UBE4B: variants seen among roughly 807,000 people sequenced by gnomAD.
UBE4B encodes ubiquitination factor E4B, also known as ubiquitin conjugation factor E4 B.
In UBE4B, 27 loss-of-function variants were observed where a neutral mutation model predicts 148.1. The observed-to-expected ratio is 0.18, with a 90% CI of 0.13 to 0.25. UBE4B has a LOEUF of 0.25. UBE4B is among the 10% of genes least tolerant of loss of function. The pLI is 1.00. For missense variants in UBE4B, 1,170 were observed against 1,662.4 expected (o/e 0.70, Z 5.15); for synonymous variants, 596 against 619.3 (o/e 0.96, Z 0.56).
At position 10,130,512 on chromosome 1, in the gene UBE4B, C is replaced by A. The variant is rs142704128; in HGVS notation, c.1708C>A (p.Arg570=). The change falls in exon 13 of 28, where the codon CGG becomes AGG. Residue 570 remains arginine (R), a synonymous_variant. Coordinates refer to ENST00000343090, the MANE Select transcript of UBE4B (RefSeq NM_001105562.3). ...ATCTTCTGCCTAGGTTGCTTCTTTG[C>A]GGTTGTGGTTGCCGAAATCCTTAAG... is the stretch of plus-strand genomic sequence containing the variant. ...HPVCNLVASL[R]LWLPKSLSPG... 6.2e-7 allele frequency: 1 copy of A among 1,613,962 alleles called. No individual in the cohort carries two copies. The highest frequency in any genetic ancestry group is 8.5e-7 in the Non-Finnish European group (1 of 1,179,992).
In UBE4B at chr1:10,111,920, G is replaced by A. The variant is rs533494700; in HGVS notation, c.1196+5337G>A. On this transcript the variant is annotated intron_variant, in intron 7 of 27. Coordinates refer to ENST00000343090, the MANE Select transcript of UBE4B (RefSeq NM_001105562.3). The stretch of plus-strand genomic sequence containing the variant: ...TGCAGTGAGCCAAGATCACACCACT[G>A]CACTCCAGCCTGGGCAACACAGCAA... 1.5e-4 allele frequency among the ~76,000 whole-genome samples: 22 copies of A among 150,982 alleles called. No homozygotes were observed. The East Asian group carries it at 2.5e-3, about 17-fold the overall frequency.
intron 8 of UBE4B, 89 bp from the exon 9 acceptor site, chr1:10,119,424 A>C: frequency 7.7e-7 from 1 of 1,295,116 alleles, no homozygotes; most frequent in Admixed American, 1.8e-5. Flanking sequence ...CTGTTTACTG[A>C]TGGTCCATCC....
chr1:10,178,992 G>A, intron 26 of UBE4B, 174 bp downstream of exon 26: 1 of 662,660 alleles, frequency 1.5e-6, no homozygotes, highest in Non-Finnish European at 2.3e-6. Flanking sequence ...TAAATTGAGA[G>A]GAAGAAACAT....
At chr1:10,133,187 G>A (rs1220032005) in intron 15 of UBE4B, among the ~76,000 whole-genome samples, 2 of 152,160 alleles carry the variant, frequency 1.3e-5, no homozygotes, top group African/African-American at 4.8e-5. Context: ...GGAGAAAAGG[G>A]CATCCTTCCT....
intron 7 of UBE4B, among the ~76,000 whole-genome samples, chr1:10,112,070 G>A (rs1645230997): frequency 6.7e-6 from 1 of 149,860 alleles, no homozygotes. Flanking sequence ...AGCAAGTTTT[G>A]TTAGTGCATT....
intron 7 of UBE4B, among the ~76,000 whole-genome samples, chr1:10,111,591 C>A (rs1266594520): frequency 1.3e-5 from 2 of 152,182 alleles, no homozygotes; most frequent in African/African-American, 4.8e-5. Flanking sequence ...GAACACAGAA[C>A]ATCCATTAGC....
intron 1 of UBE4B, among the ~76,000 whole-genome samples, chr1:10,053,315 ATTT>A (rs1644090604): frequency 6.6e-6 from 1 of 151,338 alleles, no homozygotes; most frequent in African/African-American, 2.4e-5. Flanking sequence ...TGCCCGGCTA[ATTT>A]TTTTGTATTT....
intron 2 of UBE4B, among the ~76,000 whole-genome samples, chr1:10,077,735 G>C (rs563794689): frequency 6.6e-6 from 1 of 152,168 alleles, no homozygotes; most frequent in Non-Finnish European, 1.5e-5. Flanking sequence ...TGAGTGCTGA[G>C]CAGAATTTTA....
intron 11 of UBE4B, chr1:10,128,964 G>A (rs192577994): frequency 1.3e-5 from 2 of 154,386 alleles, no homozygotes; most frequent in East Asian, 1.9e-4. Flanking sequence ...TTATTAAATT[G>A]TAATTATTTA....
At chr1:10,154,135 C>T (rs1456983842) in intron 21 of UBE4B, among the ~76,000 whole-genome samples, 3 of 150,616 alleles carry the variant, frequency 2.0e-5, no homozygotes, top group South Asian at 2.1e-4. Flanking sequence ...CCCAGCTACT[C>T]GGGAGGCTGA....
intron 21 of UBE4B, among the ~76,000 whole-genome samples, chr1:10,152,190 C>G (rs1299870821): frequency 6.6e-6 from 1 of 151,188 alleles, no homozygotes; most frequent in African/African-American, 2.4e-5. Context: ...ACCCGGGAGG[C>G]AGAAGTTGCA....
At chr1:10,108,880 T>C (rs1179179001) in intron 7 of UBE4B, among the ~76,000 whole-genome samples, 4 of 152,182 alleles carry the variant, frequency 2.6e-5, no homozygotes, top group Admixed American at 2.0e-4. Context: ...TTCCACATGG[T>C]AAAAGTGCTG....
At chr1:10,101,037 A>T in intron 3 of UBE4B, 71 bp from the exon 4 acceptor site, 5 of 1,330,482 alleles carry the variant, frequency 3.8e-6, no homozygotes, top group Non-Finnish European at 5.3e-6. Flanking sequence ...ACATTTTCTC[A>T]CCCAGCAGCT....
chr1:10,127,072 AT>A (rs1645512009), intron 11 of UBE4B, among the ~76,000 whole-genome samples, 195 bp downstream of exon 11: 2 of 152,210 alleles, frequency 1.3e-5, no homozygotes, highest in Non-Finnish European at 2.9e-5. Flanking sequence ...AGCCTGGTAC[AT>A]CTTCCACCTA....
chr1:10,114,776 A>G (rs145285992), intron 7 of UBE4B, among the ~76,000 whole-genome samples: 50 of 152,284 alleles, frequency 3.3e-4, no homozygotes, highest in African/African-American at 1.2e-3. Context: ...AGGCACAAGA[A>G]TTGCTTGAAC....
rs200940952 is a variant in UBE4B, at chr1:10,171,725, C to CA, written c.3525+402dup. 5.9e-3 allele frequency among the ~76,000 whole-genome samples: 903 copies of CA among 152,200 alleles called. 9 individuals carry two copies. The highest frequency in any genetic ancestry group is 0.02 in the African/African-American group (814 of 41,544). On this transcript the variant is annotated intron_variant, in intron 25 of 27. Coordinates refer to ENST00000343090, the MANE Select transcript of UBE4B (RefSeq NM_001105562.3). Reference sequence around the variant, plus strand: ...TGAAACCCCATCTCTACTAAAGATACAAAAAATTACCTCAGTGTGGTGGTG... The same window carrying CA: ...TGAAACCCCATCTCTACTAAAGATACAAAAAAATTACCTCAGTGTGGTGGTG...
At chr1:10,098,231 T>G (rs930614193) in intron 3 of UBE4B, among the ~76,000 whole-genome samples, 6 of 152,334 alleles carry the variant, frequency 3.9e-5, no homozygotes, top group African/African-American at 1.4e-4. Context: ...TTAGGCTTAC[T>G]TTAGGAATGC....
At chr1:10,105,378 A>G (rs1027474668) in intron 5 of UBE4B, 138 bp from the exon 6 acceptor site, 2 of 682,722 alleles carry the variant, frequency 2.9e-6, no homozygotes, top group Admixed American at 2.8e-5. Flanking sequence ...TAGGTTTTCC[A>G]CTAATATCCT....
At chr1:10,152,700 A>C (rs1162460300) in intron 21 of UBE4B, among the ~76,000 whole-genome samples, 1 of 152,006 alleles carries the variant, frequency 6.6e-6, no homozygotes, top group Non-Finnish European at 1.5e-5. Flanking sequence ...CAGGAGGCCG[A>C]GGCACGAGAA....
Sources: allele counts gnomAD v4.1 joint callset (sites outside exome capture counted in the v4.1 genomes callset), GRCh38; gene constraint gnomAD v4.1.1; transcripts MANE v1.5; gene names NCBI Gene and HGNC (gene_info 2026-07-23, HGNC 2026-07-21).